Variants in DNAJC16 observed in about 807,000 individuals in gnomAD.
DNAJC16 encodes the protein dnaJ homolog subfamily C member 16.
Under a neutral mutation model 92.7 loss-of-function variants are expected in DNAJC16, and 76 were observed. The ratio of observed to expected loss-of-function variants is 0.82; its 90% CI spans 0.68 to 0.99. DNAJC16 has a LOEUF of 0.99. Ranked by LOEUF, DNAJC16 falls within the 50% of genes least tolerant of loss-of-function variation. The probability of loss-of-function intolerance (pLI) is 0.00; values close to 1 mark genes in which losing one functional copy is unlikely to be tolerated. For missense variants in DNAJC16, 869 were observed against 942.4 expected, an observed-to-expected ratio of 0.92 and a Z score of 1.02; for synonymous variants, 328 against 358.7, an observed-to-expected ratio of 0.91 and a Z score of 0.97.
intron 3 of DNAJC16, 102 bp downstream of exon 3, chr1:15,534,405 C>G: frequency 1.7e-6 from 2 of 1,168,140 alleles, no homozygotes; most frequent in Non-Finnish European, 2.5e-6. Context: ...GTTCCCCATG[C>G]CCTTGATGCA....
At chr1:15,538,264 G>A (rs995732401) in intron 4 of DNAJC16, among the ~76,000 whole-genome samples, 21 of 151,788 alleles carry the variant, frequency 1.4e-4, no homozygotes, top group African/African-American at 5.1e-4. Context: ...GAGTGGTGGC[G>A]GGTGCCTGTA....
intron 9 of DNAJC16, 77 bp from the exon 10 acceptor site, chr1:15,563,847 CAAAAA>C (rs71002909): frequency 1.0e-4 from 115 of 1,102,386 alleles, no homozygotes; most frequent in Middle Eastern, 2.8e-4. Context: ...AAGACTCCGT[CAAAAA>C]AAAAAAAAAA....
intron 4 of DNAJC16, among the ~76,000 whole-genome samples, chr1:15,538,149 C>T (rs1710837562): frequency 6.6e-6 from 1 of 152,170 alleles, no homozygotes; most frequent in Admixed American, 6.5e-5. Context: ...GTAATCCCAA[C>T]ACTTTGGGAG....
At chr1:15,555,123 C>A (rs983470992) in intron 7 of DNAJC16, among the ~76,000 whole-genome samples, 1 of 150,692 alleles carries the variant, frequency 6.6e-6, no homozygotes, top group Non-Finnish European at 1.5e-5. Flanking sequence ...CACCTGTAAT[C>A]CTCGTACTTT....
At chr1:15,564,565 A>G (rs1638767394) in intron 11 of DNAJC16, among the ~76,000 whole-genome samples, 1 of 149,672 alleles carries the variant, frequency 6.7e-6, no homozygotes, top group African/African-American at 2.5e-5. Flanking sequence ...TTTTGAGACA[A>G]AGTCTTGCTC....
chr1:15,560,892 G>C (rs1309677222), intron 8 of DNAJC16, among the ~76,000 whole-genome samples: 2 of 151,884 alleles, frequency 1.3e-5, no homozygotes, highest in Admixed American at 6.6e-5. Context: ...CCTCCAGGCA[G>C]ATGTCCACAC....
At position 15,562,195 on chromosome 1, in the gene DNAJC16, A is replaced by C; in HGVS notation, c.1208A>C (p.Glu403Ala). 6.2e-7 allele frequency: 1 copy of C among 1,614,064 alleles called. No homozygotes were observed. Among genetic ancestry groups the C allele is most frequent in the Non-Finnish European group, 8.5e-7 (1 of 1,179,962 alleles). Reference protein sequence around the residue: ...AETTKLSKPFEAFLSFALANT... With the variant: ...AETTKLSKPFAAFLSFALANT... Reference sequence around the variant, plus strand: ...ACTACCAAGTTGAGCAAACCCTTTGAGGCTTTCCTGTCCTTTGCCCTGGCA... The same window carrying C: ...ACTACCAAGTTGAGCAAACCCTTTGCGGCTTTCCTGTCCTTTGCCCTGGCA... Residue 403 changes from glutamate to alanine, a missense_variant, in exon 9 of 15, where the codon GAG (glutamate) becomes GCG (alanine). Physicochemically the swap from Glu to Ala is moderately radical, Grantham distance 107 (BLOSUM62 -1). Transcript: ENST00000375847.
intron 7 of DNAJC16, among the ~76,000 whole-genome samples, chr1:15,557,116 CATGTTCAGAAATGA>C (rs1421008975): frequency 6.6e-6 from 1 of 152,182 alleles, no homozygotes; most frequent in Admixed American, 6.5e-5. Context: ...CTTTGACATT[CATGTTCAGAAATGA>C]GATTGACTTC....
rs1478034515 is a variant in DNAJC16, at chr1:15,559,952, AC to A, written c.1154+297del. 2.3e-4 allele frequency among the ~76,000 whole-genome samples: 35 copies of A among 152,100 alleles called. 1 individual carries two copies. The highest frequency in any genetic ancestry group is 3.4e-3 in the Middle Eastern group (1 of 294). ...GTGGCTTATGCCTGTAATCCCAGCT[AC>A]TAGGGAGGCTGAGGCAGGAGAATCA... On this transcript the variant is annotated intron_variant, in intron 8 of 14. Transcript: ENST00000375847.
intron 5 of DNAJC16, among the ~76,000 whole-genome samples, chr1:15,545,223 C>T (rs1369996844): frequency 6.6e-6 from 1 of 152,102 alleles, no homozygotes; most frequent in Non-Finnish European, 1.5e-5. Flanking sequence ...AACGGACTCT[C>T]ATTTTGCTTT....
chr1:15,567,179 C>T lies in DNAJC16; in HGVS notation c.1859C>T (p.Pro620Leu). Reference protein sequence around the residue: ...TYTSNLVRLRPGHMNVVLILS... With the variant: ...TYTSNLVRLRLGHMNVVLILS... ...ACCAGTAACTTGGTACGTCTGAGGC[C>T]AGGCCACATGAATGTGGTCCTCATC... Residue 620 changes from proline to leucine, a missense_variant, in exon 14 of 15, where the codon CCA (proline) becomes CTA (leucine). Transcript: ENST00000375847. 6.2e-7 allele frequency: 1 copy of T among 1,614,130 alleles called. No individual in the cohort carries two copies. The highest frequency in any genetic ancestry group is 8.5e-7 in the Non-Finnish European group (1 of 1,179,974).
At chr1:15,530,234 T>C (rs1570895788) in intron 2 of DNAJC16, among the ~76,000 whole-genome samples, 1 of 146,966 alleles carries the variant, frequency 6.8e-6, no homozygotes, top group African/African-American at 2.5e-5. Context: ...CTGGGCAACA[T>C]AGTGACACCT....
At position 15,567,172 on chromosome 1, in the gene DNAJC16, C is replaced by CT; in HGVS notation, c.1853dup (p.Arg619GlufsTer45). On this transcript the variant is annotated frameshift_variant, in exon 14 of 15. Coordinates refer to ENST00000375847, the MANE Select transcript of DNAJC16 (RefSeq NM_015291.4). LOFTEE classifies it high-confidence loss of function. ...AACATACACCAGTAACTTGGTACGT[C>CT]TGAGGCCAGGCCACATGAATGTGGT... is the stretch of plus-strand genomic sequence containing the variant. The CT allele has an allele frequency of 6.2e-7, 1 of 1,614,122 alleles. No individual in the cohort carries two copies.
At chr1:15,561,107 T>C (rs1390781166) in intron 8 of DNAJC16, among the ~76,000 whole-genome samples, 1 of 150,494 alleles carries the variant, frequency 6.6e-6, no homozygotes, top group Non-Finnish European at 1.5e-5. Context: ...CCCCTTTTCA[T>C]CTTTTTTTTT....
chr1:15,540,474 G>A (rs1005443045), intron 4 of DNAJC16, among the ~76,000 whole-genome samples: 2 of 152,072 alleles, frequency 1.3e-5, no homozygotes, highest in Non-Finnish European at 2.9e-5. Flanking sequence ...GACTCATCAC[G>A]TTAATCGTCA....
At chr1:15,536,851 G>C (rs1710802624) in intron 4 of DNAJC16, 37 bp downstream of exon 4, 2 of 1,535,372 alleles carry the variant, frequency 1.3e-6, no homozygotes, top group Non-Finnish European at 1.8e-6. Flanking sequence ...TATTTATATA[G>C]ATGACTTTTT....
intron 7 of DNAJC16, among the ~76,000 whole-genome samples, chr1:15,558,366 T>C (rs112143369): frequency 0.02 from 3,087 of 152,082 alleles, 106 homozygotes; most frequent in African/African-American, 0.071. Flanking sequence ...TTTTTATTTT[T>C]AGTAGAGACA....
intron 4 of DNAJC16, among the ~76,000 whole-genome samples, chr1:15,540,830 G>T (rs1710915562): frequency 6.6e-6 from 1 of 152,132 alleles, no homozygotes; most frequent in African/African-American, 2.4e-5. Context: ...TATTTCCCAG[G>T]ATCAGTTCAT....
rs1553149113 is a variant in DNAJC16 at position 15,563,860 on chromosome 1, A to AAG, written c.1339-68_1339-67insGA. The AAG allele has an allele frequency of 6.6e-3, 9,366 of 1,418,402 alleles. 87 individuals carry two copies. The highest frequency in any genetic ancestry group is 0.042 in the African/African-American group (2,787 of 65,744). 87.9% of individuals were successfully genotyped at this position (1,418,402 alleles called of 1,614,324 possible). A position where few individuals can be genotyped will look rare whatever the true frequency, so the allele number is the denominator to read the frequency against. On this transcript the variant is annotated intron_variant, in intron 9 of 14. Transcript: ENST00000375847. ...GCAAGACTCCGTCAAAAAAAAAAAA[A>AAG]AAAGCAAACAACTGTAACTTAACCA... is the stretch of plus-strand genomic sequence containing the variant.
Sources: allele counts gnomAD v4.1 joint callset (sites outside exome capture counted in the v4.1 genomes callset), GRCh38; gene constraint gnomAD v4.1.1; transcripts MANE v1.5; gene names NCBI Gene and HGNC (gene_info 2026-07-23, HGNC 2026-07-21).